PIAS1: variants seen among roughly 807,000 people sequenced by gnomAD.
The protein encoded by PIAS1 is E3 SUMO-protein ligase PIAS1.
Under a neutral mutation model 71.3 loss-of-function variants are expected in PIAS1, and 6 were observed. The observed-to-expected ratio is 0.08, with a 90% confidence interval of 0.05 to 0.17. The LOEUF (loss-of-function observed/expected upper bound fraction) is 0.17, where lower values mean the gene tolerates loss of function less well. Among genes scored for constraint, PIAS1 ranks in the 10% least tolerant of loss-of-function variants. The probability of loss-of-function intolerance (pLI) is 1.00; values close to 1 mark genes in which losing one functional copy is unlikely to be tolerated. For synonymous variants in PIAS1, 303 were observed against 292.9 expected (o/e 1.03, Z -0.35); for missense variants, 555 against 793.6 (o/e 0.70, Z 3.61).
intron 8 of PIAS1, among the ~76,000 whole-genome samples, chr15:68,169,524 T>C (rs2092977706): frequency 6.6e-6 from 1 of 152,138 alleles, no homozygotes; most frequent in Non-Finnish European, 1.5e-5. Flanking sequence ...AATGCAAAAA[T>C]TAGCCAGGCA....
intron 4 of PIAS1, among the ~76,000 whole-genome samples, chr15:68,143,442 T>A (rs1011556923): frequency 2.0e-5 from 3 of 152,124 alleles, no homozygotes; most frequent in African/African-American, 7.2e-5. Context: ...TTGAAGATTC[T>A]AAAGAGGATA....
intron 8 of PIAS1, among the ~76,000 whole-genome samples, chr15:68,166,848 C>T (rs1006686623): frequency 2.0e-5 from 3 of 152,198 alleles, no homozygotes; most frequent in East Asian, 1.9e-4. Context: ...TTTTTTGAGA[C>T]GGGGTTTCAC....
intron 1 of PIAS1, among the ~76,000 whole-genome samples, chr15:68,060,236 A>G (rs1216578258): frequency 6.6e-6 from 1 of 152,014 alleles, no homozygotes; most frequent in Non-Finnish European, 1.5e-5. Flanking sequence ...TTTGTACCTT[A>G]TTTAGATGCT....
chr15:68,167,655 G>T lies in PIAS1; in HGVS notation c.1008+2851G>T, dbSNP rs1188978764. ...AGAAAAGAAGATAAACTCTGGAAAT[G>T]TATTTATGAAATATTTATTATTGTG... On this transcript the variant is annotated intron_variant, in intron 8 of 13. Coordinates refer to ENST00000249636, the MANE Select transcript of PIAS1 (RefSeq NM_016166.3). The surrounding 1 kb of genome is among the most constrained non-coding windows in gnomAD (Gnocchi z 4.4). Among the ~76,000 whole-genome samples the T allele has an allele frequency of 6.6e-6, 1 of 152,138 alleles. No homozygotes were observed. The highest frequency in any genetic ancestry group is 1.5e-5 in the Non-Finnish European group (1 of 68,014).
chr15:68,066,384 C>T (rs1005469450), intron 1 of PIAS1, among the ~76,000 whole-genome samples: 3 of 152,132 alleles, frequency 2.0e-5, no homozygotes, highest in Admixed American at 1.3e-4. Flanking sequence ...GCTGGGATTA[C>T]AGGTGTGAGC....
At chr15:68,123,047 T>A (rs2092624228) in intron 2 of PIAS1, among the ~76,000 whole-genome samples, 1 of 152,036 alleles carries the variant, frequency 6.6e-6, no homozygotes, top group Non-Finnish European at 1.5e-5. Flanking sequence ...AAATTCTTTT[T>A]ATTTTTTTCT....
At chr15:68,112,261 C>T (rs1037369661) in intron 2 of PIAS1, among the ~76,000 whole-genome samples, 1 of 152,138 alleles carries the variant, frequency 6.6e-6, no homozygotes. Flanking sequence ...TCTTTCTCTG[C>T]TACATTATCA....
intron 2 of PIAS1, among the ~76,000 whole-genome samples, chr15:68,097,492 G>T (rs997943921): frequency 6.6e-6 from 1 of 152,088 alleles, no homozygotes; most frequent in Admixed American, 6.5e-5. Context: ...GAGTGCAATG[G>T]CATGATCTCA....
At chr15:68,179,703 G>C (rs2093042590) in intron 11 of PIAS1, among the ~76,000 whole-genome samples, 1 of 148,924 alleles carries the variant, frequency 6.7e-6, no homozygotes, top group African/African-American at 2.5e-5. Flanking sequence ...AGCCTCCCGA[G>C]TAGCTGGGAT....
At chr15:68,090,325 C>G (rs1220785290) in intron 2 of PIAS1, among the ~76,000 whole-genome samples, 8 of 152,006 alleles carry the variant, frequency 5.3e-5, no homozygotes, top group African/African-American at 1.9e-4. Flanking sequence ...AACTCAGCCT[C>G]CCAAGTAGTT....
At chr15:68,130,920 T>G (rs1300454911) in intron 2 of PIAS1, among the ~76,000 whole-genome samples, 1 of 152,158 alleles carries the variant, frequency 6.6e-6, no homozygotes, top group African/African-American at 2.4e-5. Context: ...TTACTTTGGG[T>G]TAGGTAGGCA....
At chr15:68,135,215 G>A (rs1476142813) in intron 2 of PIAS1, among the ~76,000 whole-genome samples, 3 of 41,840 alleles carry the variant, frequency 7.2e-5, no homozygotes, top group African/African-American at 1.6e-4. Flanking sequence ...CCTCCCTCCC[G>A]GAAGGGGTGG....
In PIAS1 at chr15:68,136,250, C is replaced by T. The variant is rs1370691938; in HGVS notation, c.470-5696C>T. On this transcript the variant is annotated intron_variant, in intron 2 of 13. Coordinates refer to ENST00000249636, the MANE Select transcript of PIAS1 (RefSeq NM_016166.3). ...CGGCACTTTGGGAGGCCAAGGCAGGCGGCTGGGAGGTGGAGGTTGTAGCGA... is the reference window on the plus strand; with the variant it reads ...CGGCACTTTGGGAGGCCAAGGCAGGTGGCTGGGAGGTGGAGGTTGTAGCGA... Among the ~76,000 whole-genome samples the T allele has an allele frequency of 9.1e-4, 49 of 54,038 alleles. 12 individuals are homozygous for T. The highest frequency in any genetic ancestry group is 1.7e-3 in the African/African-American group (42 of 25,350). The allele number at this position is 54,038 out of a possible 152,430, so 35.5% of individuals were successfully genotyped here.
intron 1 of PIAS1, among the ~76,000 whole-genome samples, chr15:68,058,999 ACT>A (rs2091927102): frequency 8.7e-6 from 1 of 114,608 alleles, no homozygotes; most frequent in African/African-American, 3.4e-5. Context: ...AGATTATTCT[ACT>A]TTTTTTTTTT....
chr15:68,078,184 T>C (rs535684317), intron 1 of PIAS1, among the ~76,000 whole-genome samples: 2 of 152,202 alleles, frequency 1.3e-5, no homozygotes, highest in Non-Finnish European at 2.9e-5. Context: ...ATTTGAAAAG[T>C]GAATGATGAT....
chr15:68,073,027 T>G (rs1404948212), intron 1 of PIAS1, among the ~76,000 whole-genome samples: 2 of 152,144 alleles, frequency 1.3e-5, no homozygotes, highest in African/African-American at 4.8e-5. Context: ...TCTTTTTTTA[T>G]TTTTTTGAGA....
At position 68,165,343 on chromosome 15, in the gene PIAS1, A is replaced by G. The variant is rs1015818282; in HGVS notation, c.1008+539A>G. ...TCCATGTTGGTCAGGCTGGTCTCGA[A>G]CTCCTGACCTCAGGTGATCCACCCG... On this transcript the variant is annotated intron_variant, in intron 8 of 13. Transcript: ENST00000249636. Among the ~76,000 whole-genome samples the G allele has an allele frequency of 1.3e-4, 20 of 152,096 alleles. No individual in the cohort carries two copies. In the South Asian group the frequency reaches 3.7e-3, roughly 28 times the overall value.
intron 2 of PIAS1, among the ~76,000 whole-genome samples, chr15:68,120,310 CTA>C (rs2092602903): frequency 6.6e-6 from 1 of 151,954 alleles, no homozygotes; most frequent in African/African-American, 2.4e-5. Context: ...GTTATTTAGA[CTA>C]TTTACATTTT....
At chr15:68,150,342 G>A (rs2092836405) in intron 6 of PIAS1, among the ~76,000 whole-genome samples, 1 of 152,130 alleles carries the variant, frequency 6.6e-6, no homozygotes, top group Non-Finnish European at 1.5e-5. Flanking sequence ...CTCTTCCATA[G>A]GAAGGCTTCC....
Sources: gnomAD v4.1 joint callset for allele counts (sites outside exome capture counted in the v4.1 genomes callset) on GRCh38, gnomAD v4.1.1 for gene constraint, Gnocchi (gnomAD v3.1) non-coding constraint, MANE v1.5 for transcripts, NCBI Gene and HGNC (gene_info 2026-07-23, HGNC 2026-07-21) for gene names.